Variants in GRM1 observed in about 807,000 individuals in gnomAD.
GRM1 encodes metabotropic glutamate receptor 1.
GRM1 carries 33 observed loss-of-function variants against 90.9 expected under a neutral mutation model. The ratio of observed to expected loss-of-function variants is 0.36; its 90% CI spans 0.28 to 0.49. The LOEUF (loss-of-function observed/expected upper bound fraction) is 0.49. GRM1 is among the 20% of genes least tolerant of loss of function. GRM1 has a pLI of 0.99. For missense variants in GRM1, 1,190 were observed against 1,534.3 expected (o/e 0.78, Z 3.75); for synonymous variants, 700 against 613.2 (o/e 1.14, Z -2.09).
chr6:146,198,118 A>G (rs1485723371), intron 2 of GRM1, among the ~76,000 whole-genome samples: 4 of 152,266 alleles, frequency 2.6e-5, no homozygotes, highest in Non-Finnish European at 5.9e-5. Context: ...AAACTCATCA[A>G]ATTGTACACA....
intron 2 of GRM1, among the ~76,000 whole-genome samples, chr6:146,281,623 C>T (rs1465645475): frequency 6.6e-6 from 1 of 152,104 alleles, no homozygotes; most frequent in African/African-American, 2.4e-5. Flanking sequence ...CCTTGTGGTA[C>T]ATTATATGTA....
At chr6:146,260,470 A>C (rs1339287403) in intron 2 of GRM1, among the ~76,000 whole-genome samples, 1 of 152,098 alleles carries the variant, frequency 6.6e-6, no homozygotes. Flanking sequence ...ATACATGTGC[A>C]TGTGTTTTAT....
intron 1 of GRM1, among the ~76,000 whole-genome samples, chr6:146,091,508 AT>A (rs1776715186): frequency 6.6e-6 from 1 of 152,092 alleles, no homozygotes; most frequent in Non-Finnish European, 1.5e-5. Context: ...CTAGAGTGGC[AT>A]TTTAGACAGA....
chr6:146,239,301 G>A (rs984443058), intron 2 of GRM1, among the ~76,000 whole-genome samples: 1 of 152,140 alleles, frequency 6.6e-6, no homozygotes. Context: ...AAGTCTTTGA[G>A]ATATTTCCAC....
At chr6:146,423,743 G>C (rs901401238) in intron 7 of GRM1, among the ~76,000 whole-genome samples, 1 of 152,128 alleles carries the variant, frequency 6.6e-6, no homozygotes, top group African/African-American at 2.4e-5. Context: ...TTGCTAAGTT[G>C]TCAAGGCATC....
chr6:146,386,883 G>T lies in GRM1; in HGVS notation c.1603-7G>T. 6.2e-7 allele frequency: 1 copy of T among 1,602,614 alleles called. No homozygotes were observed. The highest frequency in any genetic ancestry group is 8.5e-7 in the Non-Finnish European group (1 of 1,170,002). On this transcript the variant is annotated splice_region_variant and splice_polypyrimidine_tract_variant and intron_variant, in intron 5 of 7. Coordinates refer to ENST00000282753, the MANE Select transcript of GRM1 (RefSeq NM_001278064.2). ...TCTTTAAAATTCATGAAATATCTATGTTATAGGTTATACGGAAAGGAGAAG... is the reference window on the plus strand; with the variant it reads ...TCTTTAAAATTCATGAAATATCTATTTTATAGGTTATACGGAAAGGAGAAG...
intron 2 of GRM1, among the ~76,000 whole-genome samples, chr6:146,254,992 T>TAAATAAATATATAA: frequency 6.6e-6 from 1 of 152,308 alleles, no homozygotes; most frequent in South Asian, 2.1e-4. Context: ...TTAAGAGATG[T>TAAATAAATATATAA]GGCATATAAA....
chr6:146,106,581 T>A (rs1775310606), intron 1 of GRM1, among the ~76,000 whole-genome samples: 1 of 152,210 alleles, frequency 6.6e-6, no homozygotes, highest in Non-Finnish European at 1.5e-5. Flanking sequence ...CATCAGGATT[T>A]TTTTGTAACC....
At chr6:146,172,478 T>A (rs1348134085) in intron 2 of GRM1, among the ~76,000 whole-genome samples, 1 of 152,238 alleles carries the variant, frequency 6.6e-6, no homozygotes, top group Non-Finnish European at 1.5e-5. Context: ...CATGGACATC[T>A]TTGACTGGCT....
chr6:146,363,458 C>T (rs970611948), intron 5 of GRM1, among the ~76,000 whole-genome samples: 4 of 152,184 alleles, frequency 2.6e-5, no homozygotes, highest in African/African-American at 9.7e-5. Context: ...CTTGGATACC[C>T]ATTCTTGACC....
At chr6:146,390,211 C>T (rs362920) in intron 6 of GRM1, among the ~76,000 whole-genome samples, 2,052 of 151,908 alleles carry the variant, frequency 0.014, 22 homozygotes, top group Non-Finnish European at 0.019. Context: ...AAGTTAGCTA[C>T]TTTTAATATA....
intron 7 of GRM1, 28 bp from the exon 8 acceptor site, chr6:146,433,844 A>G (rs769689856): frequency 1.3e-6 from 2 of 1,486,152 alleles, no homozygotes; most frequent in South Asian, 2.3e-5. Context: ...TCTATCTGCA[A>G]ATAAATCCAT....
intron 1 of GRM1, among the ~76,000 whole-genome samples, chr6:146,037,467 C>T (rs552446745): frequency 6.6e-6 from 1 of 151,918 alleles, no homozygotes; most frequent in Admixed American, 6.6e-5. Flanking sequence ...GATACTTTCT[C>T]AAGCCAAAGT....
intron 3 of GRM1, among the ~76,000 whole-genome samples, chr6:146,320,964 T>C (rs1784164359): frequency 6.6e-6 from 1 of 152,158 alleles, no homozygotes; most frequent in African/African-American, 2.4e-5. Flanking sequence ...TTCATGTCGC[T>C]ATCTCCTTCA....
intron 1 of GRM1, among the ~76,000 whole-genome samples, chr6:146,139,139 C>A (rs932085108): frequency 6.6e-6 from 1 of 151,820 alleles, no homozygotes; most frequent in South Asian, 2.1e-4. Flanking sequence ...TTTCAAAATT[C>A]CTCTTGAGTT....
At chr6:146,350,474 T>A (rs1340637179) in intron 3 of GRM1, among the ~76,000 whole-genome samples, 1 of 152,154 alleles carries the variant, frequency 6.6e-6, no homozygotes, top group Non-Finnish European at 1.5e-5. Flanking sequence ...TTGTGTTTTT[T>A]TTTTTCTTTA....
rs1298296159 is a variant in GRM1, at chr6:146,323,440, TG to T, written c.1186+18595del. 2.6e-5 allele frequency among the ~76,000 whole-genome samples: 4 copies of T among 152,208 alleles called. No homozygotes were observed. In the East Asian group the frequency reaches 7.7e-4, roughly 29 times the overall value. On this transcript the variant is annotated intron_variant, in intron 3 of 7. Transcript: ENST00000282753. ...TCGCCCACTTTTTGATGGGGTTGTT[TG>T]TTTTTTTACTTGTAAATTTGTTTGA... is the stretch of plus-strand genomic sequence containing the variant.
At chr6:146,085,360 G>A (rs1253705044) in intron 1 of GRM1, among the ~76,000 whole-genome samples, 1 of 152,086 alleles carries the variant, frequency 6.6e-6, no homozygotes, top group Non-Finnish European at 1.5e-5. Context: ...AAACACTAAT[G>A]CCTCAAAGAA....
chr6:146,290,174 G>A (rs1355782855), intron 2 of GRM1, among the ~76,000 whole-genome samples: 1 of 152,012 alleles, frequency 6.6e-6, no homozygotes, highest in Non-Finnish European at 1.5e-5. Context: ...AAGTGTATTC[G>A]GTCATACAAG....
Sources: gnomAD v4.1 joint callset for allele counts (sites outside exome capture counted in the v4.1 genomes callset) on GRCh38, gnomAD v4.1.1 for gene constraint, MANE v1.5 for transcripts, NCBI Gene and HGNC (gene_info 2026-07-23, HGNC 2026-07-21) for gene names.